The following SLC17A1 variants were observed in gnomAD, a reference collection of about 807,000 sequenced individuals.
SLC17A1 encodes the protein sodium-dependent phosphate transport protein 1.
Under a neutral mutation model 53.5 loss-of-function variants are expected in SLC17A1, and 51 were observed. The ratio of observed to expected loss-of-function variants is 0.95; its 90% CI spans 0.76 to 1.20. The LOEUF (loss-of-function observed/expected upper bound fraction) is 1.20, where lower values mean the gene tolerates loss of function less well. Ranked by LOEUF, SLC17A1 falls within the 50% of genes most tolerant of loss-of-function variation. The pLI is 0.00. For missense variants in SLC17A1, 538 were observed against 568.2 expected (o/e 0.95, Z 0.54); for synonymous variants, 179 against 198.8 (o/e 0.90, Z 0.84).
the SLC17A1 span, among the ~76,000 whole-genome samples, chr6:25,737,556 C>T: frequency 6.6e-6 from 1 of 151,986 alleles, no homozygotes; most frequent in Non-Finnish European, 1.5e-5. Context: ...TTGCAATTTC[C>T]TTATATTGAT....
At chr6:25,732,378 C>G in the SLC17A1 span, 1 of 266,094 alleles carries the variant, frequency 3.8e-6, no homozygotes, top group Non-Finnish European at 7.3e-6. Context: ...TGCTGTCAGA[C>G]TAGAAATACG....
chr6:25,811,583 T>C, intron 9 of SLC17A1, 38 bp from the exon 10 acceptor site: 3 of 1,613,548 alleles, frequency 1.9e-6, no homozygotes, highest in Non-Finnish European at 2.5e-6. Context: ...AGGTGCATCC[T>C]AAAGATAGGG....
the SLC17A1 span, among the ~76,000 whole-genome samples, chr6:25,772,064 C>CCT: frequency 6.6e-6 from 1 of 152,092 alleles, no homozygotes; most frequent in East Asian, 1.9e-4. Flanking sequence ...CCTGTTAGAT[C>CCT]AAGGGTTTCT....
At chr6:25,727,399 G>GTTTT in the SLC17A1 span, 942 of 683,242 alleles carry the variant, frequency 1.4e-3, no homozygotes, top group South Asian at 1.9e-3. Flanking sequence ...AACCGTAAGG[G>GTTTT]TTTTTTTTTT....
chr6:25,748,562 CACAG>C, the SLC17A1 span, among the ~76,000 whole-genome samples: 2 of 152,134 alleles, frequency 1.3e-5, no homozygotes. Context: ...AAATAAGACA[CACAG>C]ACAAAGTATA....
the SLC17A1 span, among the ~76,000 whole-genome samples, chr6:25,742,632 G>T: frequency 1.3e-5 from 2 of 151,540 alleles, no homozygotes; most frequent in African/African-American, 4.8e-5. Context: ...GTGTACAATG[G>T]TATAATATGT....
chr6:25,776,905 T>C, the SLC17A1 span: 3 of 1,613,824 alleles, frequency 1.9e-6, no homozygotes, highest in African/African-American at 1.3e-5. Context: ...TCTTCTGCCA[T>C]CAGCAGCTTC....
intron 1 of SLC17A1, among the ~76,000 whole-genome samples, chr6:25,831,779 T>G (rs143140224): frequency 1.3e-5 from 2 of 152,242 alleles, no homozygotes; most frequent in East Asian, 3.9e-4. Context: ...TACTTCTCTT[T>G]CCTTGTGTCC....
chr6:25,826,599 A>G lies in SLC17A1; in HGVS notation c.69T>C (p.Ser23=), dbSNP rs766894456. The stretch of plus-strand genomic sequence containing the variant: ...TAACATTACAACAGTGCACAAGGAA[A>G]GACAATCCATAGCGAAAGGAACAGA... The part of the protein sequence containing the change: ...PGFCSFRYGL[S]FLVHCCNVII... The change falls in exon 3 of 13, where the codon TCT becomes TCC. Residue 23 remains serine, a synonymous_variant. Transcript: ENST00000244527. 6.3e-7 allele frequency: 1 copy of G among 1,595,362 alleles called. No individual in the cohort carries two copies. The highest frequency in any genetic ancestry group is 8.5e-7 in the Non-Finnish European group (1 of 1,170,202).
At chr6:25,730,604 T>C in the SLC17A1 span, among the ~76,000 whole-genome samples, 46 of 152,314 alleles carry the variant, frequency 3.0e-4, 1 homozygote, top group East Asian at 7.3e-3. Context: ...GGTAACAATA[T>C]GTTGTATTGA....
the SLC17A1 span, among the ~76,000 whole-genome samples, chr6:25,749,081 G>T: frequency 1.3e-5 from 2 of 152,148 alleles, no homozygotes; most frequent in African/African-American, 4.8e-5. Flanking sequence ...TCAGGCTGGG[G>T]GACGGTGAGG....
At chr6:25,766,983 A>G in the SLC17A1 span, among the ~76,000 whole-genome samples, 1 of 152,210 alleles carries the variant, frequency 6.6e-6, no homozygotes, top group Non-Finnish European at 1.5e-5. Flanking sequence ...AGTTAATAAT[A>G]TATCACTGCA....
At chr6:25,814,165 C>G (rs1437071878) in intron 6 of SLC17A1, among the ~76,000 whole-genome samples, 1 of 152,130 alleles carries the variant, frequency 6.6e-6, no homozygotes, top group Non-Finnish European at 1.5e-5. Context: ...GAATTCTCTG[C>G]TGGGACAGAA....
At chr6:25,776,003 G>T in the SLC17A1 span, among the ~76,000 whole-genome samples, 1 of 152,078 alleles carries the variant, frequency 6.6e-6, no homozygotes, top group Non-Finnish European at 1.5e-5. Flanking sequence ...GCAACCCTCT[G>T]TGGAGTAAAT....
the SLC17A1 span, chr6:25,769,207 T>C: frequency 1.3e-6 from 2 of 1,597,128 alleles, no homozygotes; most frequent in South Asian, 1.1e-5. Flanking sequence ...TTAATGAGAC[T>C]CTGGACTCTT....
At chr6:25,724,498 T>C in the SLC17A1 span, among the ~76,000 whole-genome samples, 1 of 152,274 alleles carries the variant, frequency 6.6e-6, no homozygotes, top group East Asian at 1.9e-4. Flanking sequence ...CTGTAACATG[T>C]ATTCACAATT....
chr6:25,816,727 A>G (rs916730145), intron 6 of SLC17A1, among the ~76,000 whole-genome samples: 3 of 152,264 alleles, frequency 2.0e-5, no homozygotes, highest in African/African-American at 7.2e-5. Context: ...AATGATTTCA[A>G]TGGTCAAAGG....
downstream of SLC17A1, chr6:25,779,115 T>C: frequency 6.2e-7 from 1 of 1,613,956 alleles, no homozygotes; most frequent in Non-Finnish European, 8.5e-7. Flanking sequence ...ATATCGGGCC[T>C]GGTTTTCTAC....
At chr6:25,818,962 A>T in intron 6 of SLC17A1, 106 bp downstream of exon 6, 1 of 728,750 alleles carries the variant, frequency 1.4e-6, no homozygotes. Flanking sequence ...GGAGTTCATG[A>T]TTTTTAATAT....
Sources: gnomAD v4.1 joint callset for allele counts (sites outside exome capture counted in the v4.1 genomes callset) on GRCh38, gnomAD v4.1.1 for gene constraint, MANE v1.5 for transcripts, NCBI Gene and HGNC (gene_info 2026-07-23, HGNC 2026-07-21) for gene names.